Variants in TNFRSF9 observed in about 807,000 individuals in gnomAD.
The protein encoded by TNFRSF9 is tumor necrosis factor receptor superfamily member 9.
In TNFRSF9, 16 loss-of-function variants were observed where a neutral mutation model predicts 28.8. The ratio of observed to expected loss-of-function variants is 0.55; its 90% CI spans 0.38 to 0.84. The LOEUF (loss-of-function observed/expected upper bound fraction) is 0.84. Ranked by LOEUF, TNFRSF9 falls within the 40% of genes least tolerant of loss-of-function variation. The pLI is 0.00. For missense variants in TNFRSF9, 303 were observed against 315.0 expected (o/e 0.96, Z 0.29); for synonymous variants, 131 against 117.0 (o/e 1.12, Z -0.77).
intron 7 of TNFRSF9, among the ~76,000 whole-genome samples, chr1:7,928,444 A>G (rs976644083): frequency 6.6e-6 from 1 of 152,250 alleles, no homozygotes; most frequent in Admixed American, 6.5e-5. Flanking sequence ...ATATCGTGGA[A>G]TACTATTCAG....
At chr1:7,935,989 G>C (rs1458661061) in intron 5 of TNFRSF9, among the ~76,000 whole-genome samples, 1 of 152,128 alleles carries the variant, frequency 6.6e-6, no homozygotes. Flanking sequence ...TGTTGCTGTT[G>C]TTGTGACACC....
rs1234063726 is a variant in TNFRSF9, at chr1:7,917,958, A to ATC, written c.*2876_*2877insGA. 1 of 130,416 alleles carries ATC rather than the reference A, an allele frequency of 7.7e-6. No homozygotes were observed. 8.1% of individuals were successfully genotyped at this position (130,416 alleles called of 1,614,324 possible). A position where few individuals can be genotyped will look rare whatever the true frequency, so the allele number is the denominator to read the frequency against. On this transcript the variant is annotated 3_prime_UTR_variant, in exon 8 of 8. Coordinates refer to ENST00000377507, the MANE Select transcript of TNFRSF9 (RefSeq NM_001561.6). ...AAGGGAAAAATAAATTACAAAGGATATATATATATATATATATAGATATAG... is the reference window on the plus strand; with the variant it reads ...AAGGGAAAAATAAATTACAAAGGATATCTATATATATATATATATAGATATAG...
chr1:7,934,925 A>C, intron 6 of TNFRSF9, 88 bp downstream of exon 6: 2 of 1,534,438 alleles, frequency 1.3e-6, no homozygotes, highest in Non-Finnish European at 1.8e-6. Flanking sequence ...GGTGCCTGAT[A>C]TGAGATATCA....
chr1:7,936,845 C>G (rs993444561), intron 5 of TNFRSF9, among the ~76,000 whole-genome samples: 1 of 152,208 alleles, frequency 6.6e-6, no homozygotes, highest in Non-Finnish European at 1.5e-5. Context: ...TGTTTACTCT[C>G]TAACCCTACA....
Position 7,935,003 on chromosome 1 carries a change from G to T in TNFRSF9, c.544+10C>A. On this transcript the variant is annotated intron_variant, in intron 6 of 7. Coordinates refer to ENST00000377507, the MANE Select transcript of TNFRSF9 (RefSeq NM_001561.6). Reference sequence around the variant, plus strand: ...ATACGCACTTTGGCGTAAAGGCATAGCCCAGTTACCTGGCTCTCTCGCAGG... The same window carrying T: ...ATACGCACTTTGGCGTAAAGGCATATCCCAGTTACCTGGCTCTCTCGCAGG... The T allele has an allele frequency of 6.2e-7, 1 of 1,613,898 alleles. No homozygotes were observed. Among genetic ancestry groups the T allele is most frequent in the Non-Finnish European group, 8.5e-7 (1 of 1,179,936 alleles).
At chr1:7,925,923 T>C (rs1191571808) in intron 7 of TNFRSF9, among the ~76,000 whole-genome samples, 3 of 152,134 alleles carry the variant, frequency 2.0e-5, no homozygotes, top group African/African-American at 7.2e-5. Flanking sequence ...TGGTTTCTAA[T>C]GGCGTCTCAC....
At chr1:7,931,589 G>T (rs1047754682) in intron 7 of TNFRSF9, among the ~76,000 whole-genome samples, 4 of 152,210 alleles carry the variant, frequency 2.6e-5, no homozygotes, top group African/African-American at 4.8e-5. Flanking sequence ...CAAAACTACA[G>T]CAAAAGGAAG....
At chr1:7,934,988 T>C in intron 6 of TNFRSF9, 25 bp downstream of exon 6, 3 of 1,612,118 alleles carry the variant, frequency 1.9e-6, no homozygotes, top group Non-Finnish European at 2.5e-6. Flanking sequence ...ATACGCACTT[T>C]GGCGTAAAGG....
At chr1:7,929,005 T>G (rs1043752562) in intron 7 of TNFRSF9, among the ~76,000 whole-genome samples, 1 of 152,078 alleles carries the variant, frequency 6.6e-6, no homozygotes, top group Non-Finnish European at 1.5e-5. Flanking sequence ...TAAAAACAAC[T>G]ATCACAAAAG....
chr1:7,916,351 C>A lies in TNFRSF9; in HGVS notation c.*4484G>T, dbSNP rs1639477986. ...CTTATTAATTGTCATTTAGGGGGAG[C>A]AATGACTCACATGCCAAGTTCCTGT... On this transcript the variant is annotated 3_prime_UTR_variant, in exon 8 of 8. Coordinates refer to ENST00000377507, the MANE Select transcript of TNFRSF9 (RefSeq NM_001561.6). The A allele has an allele frequency of 6.6e-6, 1 of 152,148 alleles. No individual in the cohort carries two copies. Among genetic ancestry groups the A allele is most frequent in the African/African-American group, 2.4e-5 (1 of 41,432 alleles). The allele number at this position is 152,148 out of a possible 1,614,324, so 9.4% of individuals were successfully genotyped here.
intron 5 of TNFRSF9, chr1:7,936,422 C>CAAACAAACAAACAAACAAACA (rs1639817262): frequency 6.3e-6 from 1 of 159,458 alleles, no homozygotes. Context: ...CATCTCAAAA[C>CAAACAAACAAACAAACAAACA]AAACAAACAA....
At chr1:7,937,610 C>T in intron 5 of TNFRSF9, 80 bp downstream of exon 5, 7 of 1,190,078 alleles carry the variant, frequency 5.9e-6, no homozygotes, top group Non-Finnish European at 8.7e-6. Flanking sequence ...TGCAAAAAAG[C>T]TTCAATGATA....
At chr1:7,926,429 AAC>A (rs2151413770) in intron 7 of TNFRSF9, among the ~76,000 whole-genome samples, 1 of 152,314 alleles carries the variant, frequency 6.6e-6, no homozygotes, top group South Asian at 2.1e-4. Flanking sequence ...ATCACTTAAC[AAC>A]ACATTTCTCA....
rs761491259 is a variant in TNFRSF9, at chr1:7,937,771, G to T, written c.347-15C>A. On this transcript the variant is annotated splice_polypyrimidine_tract_variant and intron_variant, in intron 4 of 7. Coordinates refer to ENST00000377507, the MANE Select transcript of TNFRSF9 (RefSeq NM_001561.6). ...GTCTTTACAACCTTGTATTAAAAAT[G>T]AAAGCAATAATAAAAGGGAAGCATT... 6.2e-7 allele frequency: 1 copy of T among 1,604,112 alleles called. No individual in the cohort carries two copies. Among genetic ancestry groups the T allele is most frequent in the Non-Finnish European group, 8.5e-7 (1 of 1,172,642 alleles).
Position 7,918,079 on chromosome 1 carries a change from G to T in TNFRSF9, c.*2756C>A, listed in dbSNP as rs1036017009. On this transcript the variant is annotated 3_prime_UTR_variant, in exon 8 of 8. Coordinates refer to ENST00000377507, the MANE Select transcript of TNFRSF9 (RefSeq NM_001561.6). ...GCTCGCTGCAACCTCTGCCTCCTGG[G>T]TTCAAGCGATTCTTCTGCCACAGCC... is the stretch of plus-strand genomic sequence containing the variant. 2 of 151,974 alleles carry T rather than the reference G, an allele frequency of 1.3e-5. No homozygotes were observed. Among genetic ancestry groups the T allele is most frequent in the Admixed American group, 1.3e-4 (2 of 15,204 alleles). The allele number at this position is 151,974 out of a possible 1,614,324, so 9.4% of individuals were successfully genotyped here. A position where few individuals can be genotyped will look rare whatever the true frequency, so the allele number is the denominator to read the frequency against.
At chr1:7,931,170 G>A (rs1282299379) in intron 7 of TNFRSF9, among the ~76,000 whole-genome samples, 4 of 152,176 alleles carry the variant, frequency 2.6e-5, no homozygotes, top group African/African-American at 7.2e-5. Context: ...TTACCGCCAG[G>A]GGAGTGTAAA....
In TNFRSF9 at chr1:7,920,795, T is replaced by C; in HGVS notation, c.*40A>G. 6.6e-7 allele frequency: 1 copy of C among 1,517,992 alleles called. No individual in the cohort carries two copies. The highest frequency in any genetic ancestry group is 9.1e-7 in the Non-Finnish European group (1 of 1,093,104). The allele number at this position is 1,517,992 out of a possible 1,614,324, so 94.0% of individuals were successfully genotyped here. A position where few individuals can be genotyped will look rare whatever the true frequency, so the allele number is the denominator to read the frequency against. The stretch of plus-strand genomic sequence containing the variant: ...AGCGGATGACTCATATTTCCTTGCT[T>C]CTTTTCAAGAAAGTCCCAACAGCCC... On this transcript the variant is annotated 3_prime_UTR_variant, in exon 8 of 8. Transcript: ENST00000377507.
Position 7,935,037 on chromosome 1 carries a change from G to A in TNFRSF9, c.520C>T (p.Pro174Ser). The A allele has an allele frequency of 1.2e-6, 2 of 1,614,258 alleles. No homozygotes were observed. Among genetic ancestry groups the A allele is most frequent in the African/African-American group, 2.7e-5 (2 of 75,070 alleles). The change falls in exon 6 of 8, where the codon CCG becomes TCG. Residue 174 changes from proline (P) to serine (S), a missense_variant. Pro to Ser is a moderately conservative substitution (Grantham distance 74). Coordinates refer to ENST00000377507, the MANE Select transcript of TNFRSF9 (RefSeq NM_001561.6). ...CCTGGCTCTCTCGCAGGGGCAGGCG[G>A]GGTCACAGAGGATGCTCCCGGAGAG... ...DLSPGASSVT[P>S]PAPAREPGHS... is the part of the protein sequence containing the mutation.
Position 7,933,286 on chromosome 1 carries a change from C to A in TNFRSF9, c.555G>T (p.Pro185=), listed in dbSNP as rs150424591. The A allele has an allele frequency of 4.3e-6, 7 of 1,612,926 alleles. No individual in the cohort carries two copies. The highest frequency in any genetic ancestry group is 1.1e-5 in the South Asian group (1 of 90,910). Residue 185 remains proline, a synonymous_variant, in exon 7 of 8, where the codon CCG becomes CCT. Coordinates refer to ENST00000377507, the MANE Select transcript of TNFRSF9 (RefSeq NM_001561.6). The stretch of plus-strand genomic sequence containing the variant: ...GCGCAAGAAAGAAGGAGATGATCTG[C>A]GGAGAGTGTCCTGCAAAACACAGCA... The part of the protein sequence containing the change: ...PAPAREPGHS[P]QIISFFLALT...
Sources: allele counts gnomAD v4.1 joint callset (sites outside exome capture counted in the v4.1 genomes callset), GRCh38; gene constraint gnomAD v4.1.1; transcripts MANE v1.5; gene names NCBI Gene and HGNC (gene_info 2026-07-23, HGNC 2026-07-21).